SPTBN1: variants seen among roughly 807,000 people sequenced by gnomAD.
The protein encoded by SPTBN1 is spectrin beta chain, non-erythrocytic 1.
SPTBN1 carries 32 observed loss-of-function variants against 266.4 expected under a neutral mutation model. The ratio of observed to expected loss-of-function variants is 0.12; its 90% CI spans 0.09 to 0.16. The LOEUF (loss-of-function observed/expected upper bound fraction) is 0.16, where lower values mean the gene tolerates loss of function less well. Among genes scored for constraint, SPTBN1 ranks in the 10% least tolerant of loss-of-function variants. SPTBN1 has a pLI of 1.00. For synonymous variants in SPTBN1, 1,336 were observed against 1,162.2 expected (o/e 1.15, Z -3.04); for missense variants, 2,296 against 3,067.1 (o/e 0.75, Z 5.94).
intron 4 of SPTBN1, among the ~76,000 whole-genome samples, chr2:54,612,871 T>G (rs540107276): frequency 6.6e-6 from 1 of 152,306 alleles, no homozygotes; most frequent in Admixed American, 6.5e-5. Context: ...ACTCTTGTGT[T>G]TCTTTGAATT....
rs1681650222 is a variant in SPTBN1 at position 54,670,476 on chromosome 2, T to C, written c.*1907T>C. 2.6e-6 allele frequency: 1 copy of C among 387,554 alleles called. No homozygotes were observed. Among genetic ancestry groups the C allele is most frequent in the Non-Finnish European group, 4.6e-6 (1 of 219,584 alleles). The allele number at this position is 387,554 out of a possible 1,614,324, so 24.0% of individuals were successfully genotyped here. ...AAAGCTTTCTCTTAACTCTCTTACC[T>C]CTAGGCAAACTGAGACCTCACCATC... On this transcript the variant is annotated 3_prime_UTR_variant, in exon 36 of 36. Transcript: ENST00000356805.
intron 4 of SPTBN1, among the ~76,000 whole-genome samples, chr2:54,615,136 ATT>A (rs11321438): frequency 2.0e-5 from 3 of 151,902 alleles, no homozygotes; most frequent in African/African-American, 7.3e-5. Flanking sequence ...AAAATAGAGA[ATT>A]TTTTTTTAAT....
rs976092570 is a variant in SPTBN1 at position 54,540,883 on chromosome 2, G to A, written c.148+14317G>A. 2.6e-5 allele frequency among the ~76,000 whole-genome samples: 4 copies of A among 152,190 alleles called. No individual in the cohort carries two copies. Among genetic ancestry groups the A allele is most frequent in the African/African-American group, 9.7e-5 (4 of 41,446 alleles). On this transcript the variant is annotated intron_variant, in intron 2 of 35. Transcript: ENST00000356805. This position sits in a 1 kb window ranked among gnomAD's most constrained non-coding sequence, Gnocchi z 5.6. ...TTAAAATTGTAGTAGTTTATACGTAGATTACCTCTATTTTGCTGCAACAGC... is the reference window on the plus strand; with the variant it reads ...TTAAAATTGTAGTAGTTTATACGTAAATTACCTCTATTTTGCTGCAACAGC...
At chr2:54,532,266 G>A (rs910550255) in intron 2 of SPTBN1, among the ~76,000 whole-genome samples, 6 of 152,132 alleles carry the variant, frequency 3.9e-5, no homozygotes, top group Non-Finnish European at 8.8e-5. Context: ...TCCAGCCCGG[G>A]CGACAGTATG....
chr2:54,640,120 C>T (rs1383238528), intron 18 of SPTBN1, among the ~76,000 whole-genome samples: 3 of 152,106 alleles, frequency 2.0e-5, no homozygotes, highest in Non-Finnish European at 2.9e-5. Flanking sequence ...CAGTCATTGG[C>T]TATAAACTTT....
intron 17 of SPTBN1, 66 bp from the exon 18 acceptor site, chr2:54,637,647 T>C (rs1679242109): frequency 8.0e-7 from 1 of 1,256,646 alleles, no homozygotes; most frequent in Non-Finnish European, 1.1e-6. Context: ...TAAATTGATT[T>C]GTATTCTGTA....
chr2:54,519,365 G>T (rs921961837), intron 1 of SPTBN1, among the ~76,000 whole-genome samples: 2 of 152,252 alleles, frequency 1.3e-5, no homozygotes, highest in African/African-American at 4.8e-5. Flanking sequence ...TGCATAAGGT[G>T]TCGGAGGGAG....
intron 2 of SPTBN1, among the ~76,000 whole-genome samples, chr2:54,559,619 C>G (rs1171362005): frequency 6.6e-6 from 1 of 152,126 alleles, no homozygotes; most frequent in African/African-American, 2.4e-5. Flanking sequence ...GCTGTTTTCC[C>G]TGCGGCCCCT....
chr2:54,563,489 C>CCAA (rs1673456747), intron 2 of SPTBN1, among the ~76,000 whole-genome samples: 1 of 150,928 alleles, frequency 6.6e-6, no homozygotes, highest in Non-Finnish European at 1.5e-5. Context: ...AAGTTTATTA[C>CCAA]GTATTGAGAG....
intron 2 of SPTBN1, among the ~76,000 whole-genome samples, chr2:54,528,873 T>TC (rs1558808672): frequency 6.6e-6 from 1 of 152,038 alleles, no homozygotes; most frequent in African/African-American, 2.4e-5. Flanking sequence ...TGATACTGGA[T>TC]GGGGGGGCAG....
intron 1 of SPTBN1, among the ~76,000 whole-genome samples, chr2:54,496,166 A>G (rs1334202801): frequency 6.6e-6 from 1 of 152,284 alleles, no homozygotes; most frequent in East Asian, 1.9e-4. Context: ...GCCAGGCACG[A>G]TGACTCACAC....
chr2:54,526,305 C>G, intron 1 of SPTBN1, 67 bp from the exon 2 acceptor site: 2 of 1,300,972 alleles, frequency 1.5e-6, no homozygotes, highest in Non-Finnish European at 2.1e-6. Context: ...CACTCTTATC[C>G]CAGTTGGTTC....
At chr2:54,609,870 A>AT (rs1019220180) in intron 3 of SPTBN1, among the ~76,000 whole-genome samples, 3 of 140,558 alleles carry the variant, frequency 2.1e-5, no homozygotes, top group East Asian at 1.9e-4. Context: ...GCTGGTATTT[A>AT]TTTTTTCCCT....
Position 54,558,166 on chromosome 2 carries a change from G to T in SPTBN1, c.148+31600G>T. The T allele has an allele frequency of 1.0e-6, 1 of 985,384 alleles. No individual in the cohort carries two copies. Among genetic ancestry groups the T allele is most frequent in the Non-Finnish European group, 1.2e-6 (1 of 829,904 alleles). 61.0% of individuals were successfully genotyped at this position (985,384 alleles called of 1,614,324 possible). A position where few individuals can be genotyped will look rare whatever the true frequency, so the allele number is the denominator to read the frequency against. On this transcript the variant is annotated intron_variant, in intron 2 of 35. Coordinates refer to ENST00000356805, the MANE Select transcript of SPTBN1 (RefSeq NM_003128.3). This position sits in a 1 kb window ranked among gnomAD's most constrained non-coding sequence, Gnocchi z 4.6. ...GAAGGCACTACCGCGGCGAGTCCAG[G>T]GCCCGGCCGGGGGTCGGCGGCTGCC...
chr2:54,586,294 A>G (rs945838789), intron 2 of SPTBN1, among the ~76,000 whole-genome samples: 6 of 152,196 alleles, frequency 3.9e-5, no homozygotes, highest in African/African-American at 7.2e-5. Context: ...ACTTTTCTAC[A>G]ATGGGTTATG....
intron 2 of SPTBN1, among the ~76,000 whole-genome samples, chr2:54,594,633 AAG>A (rs1675928642): frequency 6.6e-6 from 1 of 152,154 alleles, no homozygotes; most frequent in South Asian, 2.1e-4. Context: ...TTTAATAAAA[AAG>A]AAAAAAAGTC....
intron 1 of SPTBN1, among the ~76,000 whole-genome samples, chr2:54,459,223 G>A (rs1403745735): frequency 6.6e-6 from 1 of 152,200 alleles, no homozygotes; most frequent in East Asian, 1.9e-4. Flanking sequence ...GAGAGGAGAA[G>A]TATTGGGCAG....
intron 1 of SPTBN1, among the ~76,000 whole-genome samples, chr2:54,515,013 A>G (rs2104245640): frequency 1.3e-5 from 2 of 151,758 alleles, no homozygotes; most frequent in South Asian, 2.1e-4. Context: ...AAGATTCTAA[A>G]CCTCCCCAAA....
intron 2 of SPTBN1, among the ~76,000 whole-genome samples, chr2:54,574,978 G>A (rs961925849): frequency 2.0e-5 from 3 of 152,166 alleles, no homozygotes; most frequent in African/African-American, 7.2e-5. Context: ...AAGATGACTT[G>A]AGGTGGCAGC....
Sources: gnomAD v4.1 joint callset for allele counts (sites outside exome capture counted in the v4.1 genomes callset) on GRCh38, gnomAD v4.1.1 for gene constraint, Gnocchi (gnomAD v3.1) non-coding constraint, MANE v1.5 for transcripts, NCBI Gene and HGNC (gene_info 2026-07-23, HGNC 2026-07-21) for gene names.